ZNF44: variants seen among roughly 807,000 people sequenced by gnomAD.
ZNF44 encodes the protein gonadotropin inducible transcription repressor-2.
ZNF44 carries 9 observed loss-of-function variants against 11.7 expected under a neutral mutation model. The ratio of observed to expected loss-of-function variants is 0.77; its 90% CI spans 0.46 to 1.35. The LOEUF (loss-of-function observed/expected upper bound fraction) is 1.35. Ranked by LOEUF, ZNF44 falls within the 40% of genes most tolerant of loss-of-function variation. ZNF44 has a pLI of 0.00. For missense variants in ZNF44, 696 were observed against 743.1 expected (o/e 0.94, Z 0.74); for synonymous variants, 224 against 242.7 (o/e 0.92, Z 0.72).
chr19:12,229,342 T>C (rs775404306), intron 3 of ZNF44, among the ~76,000 whole-genome samples: 12 of 152,196 alleles, frequency 7.9e-5, no homozygotes, highest in Non-Finnish European at 1.6e-4. Context: ...TTATTCACCT[T>C]TAATTCCAGG....
At chr19:12,236,733 CT>C (rs1179032703) in intron 1 of ZNF44, among the ~76,000 whole-genome samples, 1 of 152,212 alleles carries the variant, frequency 6.6e-6, no homozygotes, top group African/African-American at 2.4e-5. Flanking sequence ...CACATACTTG[CT>C]TTATCTTATA....
chr19:12,290,832 A>G (rs918223079), intron 1 of ZNF44, among the ~76,000 whole-genome samples: 1 of 152,326 alleles, frequency 6.6e-6, no homozygotes, highest in South Asian at 2.1e-4. Flanking sequence ...TGGGCCCACA[A>G]TGACCTCCCT....
At chr19:12,261,627 C>T (rs778048242) in intron 5 of ZNF44, among the ~76,000 whole-genome samples, 5 of 152,132 alleles carry the variant, frequency 3.3e-5, no homozygotes, top group Non-Finnish European at 7.3e-5. Flanking sequence ...AGACCATGTC[C>T]TCTGTCTCTA....
At chr19:12,228,691 T>G (rs1916024480) in intron 3 of ZNF44, among the ~76,000 whole-genome samples, 1 of 152,110 alleles carries the variant, frequency 6.6e-6, no homozygotes. Flanking sequence ...TTTTTAAATA[T>G]AAATTATCTT....
upstream of ZNF44, among the ~76,000 whole-genome samples, chr19:12,239,020 C>G (rs1916507686): frequency 6.6e-6 from 1 of 152,220 alleles, no homozygotes; most frequent in Admixed American, 6.5e-5. Flanking sequence ...AAACTCTCAC[C>G]TGGAATCAGC....
chr19:12,235,293 T>C (rs972925456), intron 1 of ZNF44, among the ~76,000 whole-genome samples: 2 of 151,940 alleles, frequency 1.3e-5, no homozygotes, highest in South Asian at 2.1e-4. Context: ...GGCGTGAACC[T>C]GGGAGGCGGA....
chr19:12,274,484 A>G (rs1311266942), intron 3 of ZNF44, among the ~76,000 whole-genome samples: 2 of 151,712 alleles, frequency 1.3e-5, no homozygotes, highest in African/African-American at 4.8e-5. Context: ...CATGTTGGCC[A>G]GGTTGGTCTC....
In ZNF44 at chr19:12,273,345, T is replaced by G. The variant is rs781227500; in HGVS notation, c.910A>C (p.Thr304Pro). The change falls in exon 4 of 4, where the codon ACT becomes CCT. Residue 304 changes from threonine to proline, a missense_variant. Coordinates refer to ENST00000355684, the MANE Select transcript of ZNF44 (RefSeq NM_016264.4). Reference sequence around the variant, plus strand: ...TTACATGTATAGGGTTTCTCTCCAGTGTGAATTCTTTCATGTACTCGAAGG... The same window carrying G: ...TTACATGTATAGGGTTTCTCTCCAGGGTGAATTCTTTCATGTACTCGAAGG... ...GSLRVHERIH[T>P]GEKPYTCKQC... 4 of 1,613,802 alleles carry G rather than the reference T, an allele frequency of 2.5e-6. No individual in the cohort carries two copies. The highest frequency in any genetic ancestry group is 3.4e-6 in the Non-Finnish European group (4 of 1,179,890).
chr19:12,284,587 T>C (rs528061556), intron 1 of ZNF44: 19 of 716,026 alleles, frequency 2.7e-5, no homozygotes, highest in African/African-American at 6.8e-5. Flanking sequence ...TCTGAGATCA[T>C]TGACTTGTTC....
intron 5 of ZNF44, chr19:12,266,328 C>T (rs532193571): frequency 1.0e-6 from 1 of 985,404 alleles, no homozygotes; most frequent in East Asian, 1.1e-4. Context: ...CTCCTGGCCA[C>T]AGCAGGGCAA....
intron 2 of ZNF44, among the ~76,000 whole-genome samples, chr19:12,231,323 GGACACAGGCCAA>G (rs1916156050): frequency 6.6e-6 from 1 of 152,104 alleles, no homozygotes; most frequent in African/African-American, 2.4e-5. Flanking sequence ...ATCCATGCCA[GGACACAGGCCAA>G]GAGGACATCA....
rs76642267 is a variant in ZNF44, at chr19:12,280,579, T to C, written c.4-4497A>G. Among the ~76,000 whole-genome samples the C allele has an allele frequency of 3.4e-3, 519 of 152,030 alleles. 11 individuals carry two copies. In the East Asian group the frequency reaches 0.051, roughly 15 times the overall value. ...AAGAACAACAAATAGAAAACAATAA[T>C]ATACATGTTTATCTGAATCCAATTA... On this transcript the variant is annotated intron_variant, in intron 1 of 3. Coordinates refer to ENST00000355684, the MANE Select transcript of ZNF44 (RefSeq NM_016264.4).
At position 12,266,192 on chromosome 19, in the gene ZNF44, C is replaced by T. The variant is rs910721203; in HGVS notation, c.1912+6295G>A. On this transcript the variant is annotated intron_variant and NMD_transcript_variant, in intron 5 of 7. Coordinates refer to the ZNF44 transcript ENST00000393337. ...TAGAGCCCCAGACCCCGGAGTCGCC[C>T]GCAGGGAGGCCCGGGTCCCGCCACA... 5.4e-5 allele frequency: 51 copies of T among 947,890 alleles called. No individual in the cohort carries two copies. In the African/African-American group the frequency reaches 8.3e-4, roughly 15 times the overall value. 58.7% of individuals were successfully genotyped at this position (947,890 alleles called of 1,614,324 possible).
At chr19:12,291,572 C>T (rs769056417) in intron 1 of ZNF44, among the ~76,000 whole-genome samples, 3 of 152,052 alleles carry the variant, frequency 2.0e-5, no homozygotes, top group Non-Finnish European at 4.4e-5. Context: ...GTGGCGCACG[C>T]CTGTAGTCGC....
Position 12,294,778 on chromosome 19 carries a change from C to T in ZNF44, c.-84G>A, listed in dbSNP as rs1968177951. The T allele has an allele frequency of 2.0e-6, 3 of 1,488,418 alleles. No individual in the cohort carries two copies. Among genetic ancestry groups the T allele is most frequent in the African/African-American group, 1.4e-5 (1 of 69,496 alleles). The allele number at this position is 1,488,418 out of a possible 1,614,324, so 92.2% of individuals were successfully genotyped here. Reference sequence around the variant, plus strand: ...CGCGACAAAAGCCACCACAGATGTCCCAGGGCGTCTCTCAGTGACAGAATA... The same window carrying T: ...CGCGACAAAAGCCACCACAGATGTCTCAGGGCGTCTCTCAGTGACAGAATA... On this transcript the variant is annotated 5_prime_UTR_variant, in exon 1 of 4. Coordinates refer to ENST00000355684, the MANE Select transcript of ZNF44 (RefSeq NM_016264.4).
intron 2 of ZNF44, 142 bp downstream of exon 2, chr19:12,275,814 C>T: frequency 1.9e-6 from 2 of 1,064,998 alleles, no homozygotes; most frequent in South Asian, 3.1e-5. Context: ...GGACATACAA[C>T]AGGTTGGGGC....
intron 2 of ZNF44, among the ~76,000 whole-genome samples, chr19:12,231,135 A>G (rs950046557): frequency 6.6e-6 from 1 of 151,934 alleles, no homozygotes; most frequent in Non-Finnish European, 1.5e-5. Context: ...CCTCTAGTCA[A>G]AGGCTTTTTT....
chr19:12,255,117 CACACACACACACA>C (rs1355767818), intron 5 of ZNF44, among the ~76,000 whole-genome samples: 1 of 112,292 alleles, frequency 8.9e-6, no homozygotes, highest in African/African-American at 2.6e-5. Context: ...CACACACACA[CACACACACACACA>C]CACCCCTTTG....
chr19:12,251,574 C>A (rs1200930355), intron 5 of ZNF44, among the ~76,000 whole-genome samples: 1 of 152,104 alleles, frequency 6.6e-6, no homozygotes, highest in East Asian at 1.9e-4. Context: ...AGAGCTCAGG[C>A]ATGAGGAATA....
Sources: allele counts gnomAD v4.1 joint callset (sites outside exome capture counted in the v4.1 genomes callset), GRCh38; gene constraint gnomAD v4.1.1; transcripts MANE v1.5; gene names NCBI Gene and HGNC (gene_info 2026-07-23, HGNC 2026-07-21).